Variants in IMPA2 observed in about 807,000 individuals in gnomAD.
The protein encoded by IMPA2 is inositol monophosphatase 2, also known as IMP 2.
In IMPA2, 32 loss-of-function variants were observed where a neutral mutation model predicts 35.1. The ratio of observed to expected loss-of-function variants is 0.91; its 90% CI spans 0.69 to 1.23. IMPA2 has a LOEUF of 1.23. Ranked by LOEUF, IMPA2 falls within the 50% of genes most tolerant of loss-of-function variation. The pLI is 0.00. For missense variants in IMPA2, 334 were observed against 387.6 expected (o/e 0.86, Z 1.16); for synonymous variants, 135 against 160.6 (o/e 0.84, Z 1.20).
Position 11,981,608 on chromosome 18 carries a change from TCCGGTGGGAG to T in IMPA2, c.-57_-48del. ...GGAGCCTGGCGGCGGGACGGCGGGA[TCCGGTGGGAG>T]CCGGAGTCCCGCCGAGGGGGGCTGG... On this transcript the variant is annotated 5_prime_UTR_variant, in exon 1 of 8. Coordinates refer to ENST00000269159, the MANE Select transcript of IMPA2 (RefSeq NM_014214.3). 1.8e-6 allele frequency: 2 copies of T among 1,095,330 alleles called. No individual in the cohort carries two copies. The highest frequency in any genetic ancestry group is 2.3e-6 in the Non-Finnish European group (2 of 865,766). The allele number at this position is 1,095,330 out of a possible 1,614,324, so 67.9% of individuals were successfully genotyped here.
chr18:12,000,054 G>C (rs1907073876), intron 2 of IMPA2, among the ~76,000 whole-genome samples: 1 of 152,238 alleles, frequency 6.6e-6, no homozygotes, highest in Non-Finnish European at 1.5e-5. Context: ...CTGGCTGTAG[G>C]GTATTATAAC....
At chr18:12,011,438 G>C (rs570030724) in intron 3 of IMPA2, among the ~76,000 whole-genome samples, 1 of 152,244 alleles carries the variant, frequency 6.6e-6, no homozygotes, top group Non-Finnish European at 1.5e-5. Context: ...CTGGCACATG[G>C]TGCATTTGCT....
intron 1 of IMPA2, chr18:11,994,108 C>T (rs1906889860): frequency 6.6e-6 from 1 of 152,212 alleles, no homozygotes; most frequent in Admixed American, 6.5e-5. Context: ...GGTGTAGTGG[C>T]TCACGTCTTA....
At chr18:12,025,994 G>T (rs529009025) in intron 5 of IMPA2, among the ~76,000 whole-genome samples, 1 of 150,294 alleles carries the variant, frequency 6.7e-6, no homozygotes, top group East Asian at 1.9e-4. Flanking sequence ...AATTTAACAC[G>T]CATTCCCCAG....
rs1221140422 is a variant in IMPA2 at position 11,999,168 on chromosome 18, GA to G, written c.212del (p.Glu71GlyfsTer62). The G allele has an allele frequency of 6.2e-7, 1 of 1,613,716 alleles. No individual in the cohort carries two copies. The highest frequency in any genetic ancestry group is 8.5e-7 in the Non-Finnish European group (1 of 1,179,894). On this transcript the variant is annotated frameshift_variant, in exon 2 of 8. Transcript: ENST00000269159. LOFTEE classifies it high-confidence loss of function. ...VEDLIISELR[E>X]RFPSHRFIAE... is the part of the protein sequence containing the mutation. ...AGATTTAATTATTTCTGAGTTGCGA[GA>G]GAGGTTTCCTTCACACAGGTAGGTG... is the stretch of plus-strand genomic sequence containing the variant.
intron 7 of IMPA2, among the ~76,000 whole-genome samples, chr18:12,029,804 A>T (rs2143831662): frequency 6.6e-6 from 1 of 152,346 alleles, no homozygotes; most frequent in Middle Eastern, 3.4e-3. Flanking sequence ...GCAGGTCTCC[A>T]GCCCATGCAT....
chr18:12,025,656 C>T (rs901410751), intron 5 of IMPA2, among the ~76,000 whole-genome samples: 151 of 152,212 alleles, frequency 9.9e-4, no homozygotes, highest in African/African-American at 3.3e-3. Context: ...CTTGGCTAAC[C>T]GCAACGTCTG....
At chr18:11,984,115 G>A (rs1053662064) in intron 1 of IMPA2, among the ~76,000 whole-genome samples, 3 of 152,160 alleles carry the variant, frequency 2.0e-5, no homozygotes, top group Non-Finnish European at 4.4e-5. Context: ...AAGAGATAAA[G>A]GTGCACTGTC....
chr18:12,015,181 C>G (rs1233763129), intron 5 of IMPA2, among the ~76,000 whole-genome samples: 1 of 152,210 alleles, frequency 6.6e-6, no homozygotes, highest in Non-Finnish European at 1.5e-5. Flanking sequence ...CGGAAGTGCA[C>G]TGCTGCTTGT....
intron 5 of IMPA2, among the ~76,000 whole-genome samples, chr18:12,027,542 T>G (rs1002432060): frequency 3.9e-5 from 6 of 151,912 alleles, no homozygotes; most frequent in Non-Finnish European, 8.8e-5. Context: ...GTCATTTTGC[T>G]TTTCTTTTTG....
intron 2 of IMPA2, among the ~76,000 whole-genome samples, chr18:12,009,641 C>G (rs1170467940): frequency 6.6e-6 from 1 of 152,178 alleles, no homozygotes; most frequent in African/African-American, 2.4e-5. Context: ...TTCCCTGGTG[C>G]TCTTTCTGAA....
chr18:12,004,915 G>A (rs1172041953), intron 2 of IMPA2, among the ~76,000 whole-genome samples: 1 of 152,190 alleles, frequency 6.6e-6, no homozygotes, highest in African/African-American at 2.4e-5. Context: ...CTGCAGAGCA[G>A]ACTCTCCCCA....
At chr18:11,992,855 A>G (rs1211133082) in intron 1 of IMPA2, among the ~76,000 whole-genome samples, 1 of 152,204 alleles carries the variant, frequency 6.6e-6, no homozygotes, top group Non-Finnish European at 1.5e-5. Context: ...GCTAAAGGGC[A>G]GGGCTGTTTG....
intron 1 of IMPA2, among the ~76,000 whole-genome samples, chr18:11,988,881 G>A (rs753346610): frequency 6.6e-6 from 1 of 152,134 alleles, no homozygotes; most frequent in Non-Finnish European, 1.5e-5. Flanking sequence ...TCCCTGGCTG[G>A]AGTGCAGTGG....
chr18:11,984,827 G>T (rs1424828396), intron 1 of IMPA2, among the ~76,000 whole-genome samples: 2 of 151,318 alleles, frequency 1.3e-5, no homozygotes, highest in Non-Finnish European at 2.9e-5. Flanking sequence ...AATTAGCCGG[G>T]CGTGGTGGCG....
intron 5 of IMPA2, among the ~76,000 whole-genome samples, chr18:12,019,295 C>A (rs996705619): frequency 6.6e-6 from 1 of 151,660 alleles, no homozygotes; most frequent in African/African-American, 2.4e-5. Context: ...CACTCTGTTG[C>A]CCAGGCTGGG....
At chr18:12,009,390 G>A (rs55918168) in intron 2 of IMPA2, among the ~76,000 whole-genome samples, 9,962 of 152,200 alleles carry the variant, frequency 0.065, 442 homozygotes, top group Non-Finnish European at 0.099. Context: ...TGCAGTTCAG[G>A]TGAGCCAGGC....
chr18:11,990,129 T>C (rs1025921830), intron 1 of IMPA2, among the ~76,000 whole-genome samples: 6 of 152,156 alleles, frequency 3.9e-5, no homozygotes, highest in Non-Finnish European at 7.3e-5. Context: ...GCTGAGCCAG[T>C]CTCAGGATCC....
chr18:12,025,359 C>T (rs1164181804), intron 5 of IMPA2, among the ~76,000 whole-genome samples: 1 of 152,188 alleles, frequency 6.6e-6, no homozygotes, highest in Non-Finnish European at 1.5e-5. Context: ...TATGTGAAAA[C>T]AAGTTTTCAA....
Sources: allele counts gnomAD v4.1 joint callset (sites outside exome capture counted in the v4.1 genomes callset), GRCh38; gene constraint gnomAD v4.1.1; transcripts MANE v1.5; gene names NCBI Gene and HGNC (gene_info 2026-07-23, HGNC 2026-07-21).